The following ABCA13 variants were observed in gnomAD, a reference collection of about 807,000 sequenced individuals.
ABCA13 encodes the protein ATP-binding cassette sub-family A member 13.
Under a neutral mutation model 478.7 loss-of-function variants are expected in ABCA13, and 476 were observed. The ratio of observed to expected loss-of-function variants is 0.99; its 90% confidence interval spans 0.92 to 1.07. ABCA13 has a LOEUF of 1.07. Among genes scored for constraint, ABCA13 ranks in the 50% least tolerant of loss-of-function variants. The pLI is 0.00. For missense variants in ABCA13, 6,060 were observed against 5,910.6 expected, an observed-to-expected ratio of 1.03 and a Z score of -0.83; for synonymous variants, 2,252 against 2,158.9, an observed-to-expected ratio of 1.04 and a Z score of -1.20.
Position 48,274,027 on chromosome 7 carries a change from C to G in ABCA13, c.4361C>G (p.Ser1454Ter). The G allele has an allele frequency of 1.2e-6, 2 of 1,605,956 alleles. No homozygotes were observed. Among genetic ancestry groups the G allele is most frequent in the Non-Finnish European group, 1.7e-6 (2 of 1,173,874 alleles). The change falls in exon 17 of 62, where the codon TCA (serine) becomes TGA (stop). Residue 1454 changes from serine (S) to a stop codon, truncating the protein, a stop_gained. Coordinates refer to ENST00000435803, the MANE Select transcript of ABCA13 (RefSeq NM_152701.5). LOFTEE classifies it high-confidence loss of function. Reference protein sequence around the residue: ...IKKPLCSSNGSHINCVNIYLK... With the variant: ...IKKPLCSSNG ...AAACCTCTTTGTTCATCAAATGGCT[C>G]ACATATAAATTGTGTCAATATTTAC...
intron 4 of ABCA13, among the ~76,000 whole-genome samples, 199 bp from the exon 5 acceptor site, chr7:48,221,081 CT>C (rs1244320189): frequency 6.6e-6 from 1 of 152,094 alleles, no homozygotes; most frequent in African/African-American, 2.4e-5. Context: ...CATGAATATA[CT>C]TAGATTTGGA....
intron 20 of ABCA13, among the ~76,000 whole-genome samples, chr7:48,295,430 A>G (rs1799225933): frequency 1.3e-5 from 2 of 152,208 alleles, no homozygotes; most frequent in South Asian, 4.1e-4. Context: ...AGCTTCAGGA[A>G]GTTAAGAGCC....
intron 2 of ABCA13, among the ~76,000 whole-genome samples, chr7:48,193,616 T>C (rs1797413425): frequency 6.6e-6 from 1 of 151,058 alleles, no homozygotes; most frequent in Admixed American, 6.6e-5. Context: ...AAGATGATGA[T>C]AGTGATGATG....
intron 48 of ABCA13, among the ~76,000 whole-genome samples, chr7:48,500,965 G>GA (rs1830690891): frequency 6.6e-6 from 1 of 152,170 alleles, no homozygotes; most frequent in African/African-American, 2.4e-5. Context: ...AATGGGCAGA[G>GA]AAAAGATGCG....
chr7:48,346,220 C>T (rs1013524506), intron 29 of ABCA13, among the ~76,000 whole-genome samples: 3 of 152,052 alleles, frequency 2.0e-5, no homozygotes, highest in Admixed American at 2.0e-4. Context: ...TAAGATGTAC[C>T]TATGTCTCCC....
intron 42 of ABCA13, among the ~76,000 whole-genome samples, chr7:48,443,357 C>T (rs1823879104): frequency 6.6e-6 from 1 of 152,146 alleles, no homozygotes. Flanking sequence ...TGAGATGGGG[C>T]TTTCTGTGTG....
At chr7:48,192,065 G>A (rs983890758) in intron 1 of ABCA13, among the ~76,000 whole-genome samples, 1 of 152,092 alleles carries the variant, frequency 6.6e-6, no homozygotes, top group African/African-American at 2.4e-5. Context: ...GCAAAATGAT[G>A]TCACATGAAT....
At chr7:48,527,333 A>G (rs1832952431) in intron 54 of ABCA13, among the ~76,000 whole-genome samples, 1 of 152,044 alleles carries the variant, frequency 6.6e-6, no homozygotes. Flanking sequence ...AAATAGGGTG[A>G]GGTGATGGTT....
At chr7:48,303,497 T>C (rs1800453086) in intron 23 of ABCA13, among the ~76,000 whole-genome samples, 1 of 152,168 alleles carries the variant, frequency 6.6e-6, no homozygotes, top group Non-Finnish European at 1.5e-5. Context: ...TAACCCATCT[T>C]GAGTTGATTT....
In ABCA13 at chr7:48,248,262, T is replaced by G; in HGVS notation, c.1683T>G (p.Ile561Met). The G allele has an allele frequency of 6.2e-7, 1 of 1,613,668 alleles. No individual in the cohort carries two copies. The highest frequency in any genetic ancestry group is 8.5e-7 in the Non-Finnish European group (1 of 1,179,690). ...EDADRILQEV[I>M]TWHKNMSVLI... Reference sequence around the variant, plus strand: ...AGGATCGTATTTTGCAAGAGGTCATTACTTGGCACAAAAATATGTCAGTTT... The same window carrying G: ...AGGATCGTATTTTGCAAGAGGTCATGACTTGGCACAAAAATATGTCAGTTT... The change falls in exon 14 of 62, where the codon ATT becomes ATG. Residue 561 changes from isoleucine to methionine, a missense_variant. By Grantham distance (10) the Ile-to-Met change is conservative. This residue lies in a region of ABCA13 where 4,423 missense variants were observed against 4,309.1 expected (regional missense o/e 1.03). Coordinates refer to ENST00000435803, the MANE Select transcript of ABCA13 (RefSeq NM_152701.5).
rs1320606038 is a variant in ABCA13, at chr7:48,267,765, G to C, written c.2006-1215G>C. On this transcript the variant is annotated intron_variant, in intron 15 of 61. Transcript: ENST00000435803. ...TTCTGCTAGTTCTATCATTCAAACT[G>C]CTGTCATTTTTGATTGATTAATTTT... Among the ~76,000 whole-genome samples the C allele has an allele frequency of 2.6e-5, 4 of 152,180 alleles. No homozygotes were observed. In the East Asian group the frequency reaches 7.7e-4, roughly 29 times the overall value.
chr7:48,391,943 C>A lies in ABCA13; in HGVS notation c.11677C>A (p.Pro3893Thr). The change falls in exon 38 of 62, where the codon CCT becomes ACT. Residue 3893 changes from proline to threonine, a missense_variant. This residue lies in a region of ABCA13 where 1,627 missense variants were observed against 1,571.0 expected (regional missense o/e 1.04). Transcript: ENST00000435803. ...TIISMLTGLH[P>T]PTSGTIIING... is the part of the protein sequence containing the mutation. The stretch of plus-strand genomic sequence containing the variant: ...CAGATCCATGTTGACGGGGCTCCAC[C>A]CTCCCACTTCTGGAACCATCATCAT... 2 of 1,613,910 alleles carry A rather than the reference C, an allele frequency of 1.2e-6. No homozygotes were observed. The highest frequency in any genetic ancestry group is 1.7e-6 in the Non-Finnish European group (2 of 1,179,854).
At position 48,262,307 on chromosome 7, in the gene ABCA13, G is replaced by A. The variant is rs563547190; in HGVS notation, c.2006-6673G>A. ...AGAGGAGTGGATGCCTGGCTGGGGTGATGGAGAGAGTGTGTTAGAATTCAT... is the reference window on the plus strand; with the variant it reads ...AGAGGAGTGGATGCCTGGCTGGGGTAATGGAGAGAGTGTGTTAGAATTCAT... On this transcript the variant is annotated intron_variant, in intron 15 of 61. Coordinates refer to ENST00000435803, the MANE Select transcript of ABCA13 (RefSeq NM_152701.5). Among the ~76,000 whole-genome samples, 4 of 152,002 alleles carry A rather than the reference G, an allele frequency of 2.6e-5. No individual in the cohort carries two copies. In the South Asian group the frequency reaches 8.3e-4, roughly 32 times the overall value.
chr7:48,324,432 AG>A, intron 27 of ABCA13, among the ~76,000 whole-genome samples: 1 of 152,284 alleles, frequency 6.6e-6, no homozygotes. Flanking sequence ...TGAAATATCG[AG>A]GGTTAAGACT....
chr7:48,568,003 A>ACTGG (rs1243992564), intron 55 of ABCA13, among the ~76,000 whole-genome samples: 11 of 152,124 alleles, frequency 7.2e-5, no homozygotes, highest in Non-Finnish European at 1.5e-4. Context: ...GCTTTTGTAA[A>ACTGG]TACTGGTAGT....
chr7:48,181,086 G>A (rs371130791), intron 1 of ABCA13, among the ~76,000 whole-genome samples: 1 of 152,140 alleles, frequency 6.6e-6, no homozygotes, highest in African/African-American at 2.4e-5. Flanking sequence ...TGATCAGAAG[G>A]GACCCGCAGT....
chr7:48,249,379 T>C (rs1299757636), intron 15 of ABCA13, 28 bp downstream of exon 15: 2 of 1,609,238 alleles, frequency 1.2e-6, no homozygotes, highest in Admixed American at 1.7e-5. Flanking sequence ...ACTACAGGAA[T>C]GGGGGATGCT....
intron 39 of ABCA13, among the ~76,000 whole-genome samples, chr7:48,404,985 A>G (rs1818073902): frequency 6.6e-6 from 1 of 152,244 alleles, no homozygotes; most frequent in African/African-American, 2.4e-5. Context: ...AGAAAAGTGC[A>G]GGCCACATCT....
chr7:48,245,543 T>C lies in ABCA13; in HGVS notation c.1422T>C (p.Asn474=). The C allele has an allele frequency of 6.2e-7, 1 of 1,612,690 alleles. No homozygotes were observed. The highest frequency in any genetic ancestry group is 8.5e-7 in the Non-Finnish European group (1 of 1,179,560). Residue 474 remains asparagine (N), a synonymous_variant, in exon 12 of 62, where the codon AAT becomes AAC. Coordinates refer to ENST00000435803, the MANE Select transcript of ABCA13 (RefSeq NM_152701.5). ...TCATTTGCCTGGAGACATCAGCTAA[T>C]GATTTTAAATGGTTTGAACTTAACC... ...EVLICLETSA[N]DFKWFELNQL... is the part of the protein sequence containing the mutation.
Sources: gnomAD v4.1 joint callset for allele counts (sites outside exome capture counted in the v4.1 genomes callset) on GRCh38, gnomAD v4.1.1 for gene constraint, gnomAD v4.1.1 regional missense constraint, MANE v1.5 for transcripts, NCBI Gene and HGNC (gene_info 2026-07-23, HGNC 2026-07-21) for gene names.